MAF: variants seen among roughly 807,000 people sequenced by gnomAD.
MAF encodes MAF bZIP transcription factor, also known as transcription factor Maf.
MAF carries 10 observed loss-of-function variants against 22.0 expected under a neutral mutation model. That is an observed-to-expected ratio of 0.45 (90% CI 0.28 to 0.77). The LOEUF (loss-of-function observed/expected upper bound fraction) is 0.77, where lower values mean the gene tolerates loss of function less well. MAF is among the 30% of genes least tolerant of loss of function. The pLI, the probability that MAF is intolerant of heterozygous loss-of-function variation, is 0.12. For synonymous variants in MAF, 337 were observed against 255.8 expected (o/e 1.32, Z -3.03); for missense variants, 544 against 548.4 (o/e 0.99, Z 0.08).
chr16:79,411,498 G>C, the MAF span, among the ~76,000 whole-genome samples: 20 of 152,212 alleles, frequency 1.3e-4, no homozygotes, highest in Non-Finnish European at 2.8e-4. Context: ...CCCTGGAAAT[G>C]TTTGCAGGGC....
the MAF span, among the ~76,000 whole-genome samples, chr16:79,372,798 T>C: frequency 4.1e-4 from 63 of 152,288 alleles, 1 homozygote; most frequent in South Asian, 0.013. Context: ...CACTGGCTTC[T>C]CCCACCTGGC....
the MAF span, among the ~76,000 whole-genome samples, chr16:79,469,287 AT>A: frequency 6.6e-6 from 1 of 152,216 alleles, no homozygotes; most frequent in Non-Finnish European, 1.5e-5. Context: ...AGCCAAAAAT[AT>A]TTAATATCTG....
the MAF span, among the ~76,000 whole-genome samples, chr16:79,399,141 C>A: frequency 6.6e-6 from 1 of 152,142 alleles, no homozygotes; most frequent in Non-Finnish European, 1.5e-5. Context: ...ACAGACCTGC[C>A]ATTGAATTCC....
the MAF span, among the ~76,000 whole-genome samples, chr16:79,575,792 A>G: frequency 1.3e-5 from 2 of 152,212 alleles, no homozygotes; most frequent in African/African-American, 4.8e-5. Context: ...AAAGGAACAG[A>G]AACCTGAAAG....
the MAF span, among the ~76,000 whole-genome samples, chr16:79,318,551 G>A: frequency 6.6e-6 from 1 of 152,154 alleles, no homozygotes; most frequent in Non-Finnish European, 1.5e-5. Flanking sequence ...AAACTACATT[G>A]CTGGGTGTCA....
chr16:79,283,592 A>C, the MAF span, among the ~76,000 whole-genome samples: 3 of 152,218 alleles, frequency 2.0e-5, no homozygotes, highest in Non-Finnish European at 2.9e-5. Flanking sequence ...CTCTTAAAAA[A>C]CATTTTGCAA....
chr16:79,342,156 A>T, the MAF span, among the ~76,000 whole-genome samples: 1 of 152,004 alleles, frequency 6.6e-6, no homozygotes, highest in South Asian at 2.1e-4. Flanking sequence ...ACTTGCCCAA[A>T]GTCACCCGGC....
At chr16:79,462,037 A>G in the MAF span, among the ~76,000 whole-genome samples, 2 of 152,162 alleles carry the variant, frequency 1.3e-5, no homozygotes, top group East Asian at 3.9e-4. Flanking sequence ...TACTTTCTCC[A>G]CAACCAAAGT....
the MAF span, among the ~76,000 whole-genome samples, chr16:79,249,498 T>C: frequency 3.3e-5 from 5 of 151,874 alleles, no homozygotes; most frequent in East Asian, 1.9e-4. Flanking sequence ...AGATCCATCT[T>C]TGGGGAACAG....
the MAF span, among the ~76,000 whole-genome samples, chr16:79,388,087 C>T: frequency 3.3e-5 from 5 of 152,194 alleles, no homozygotes; most frequent in Non-Finnish European, 7.4e-5. Flanking sequence ...TAGTTCACAG[C>T]GTCCACTCTC....
the MAF span, chr16:79,212,071 G>C: frequency 1.3e-6 from 2 of 1,536,394 alleles, no homozygotes; most frequent in Non-Finnish European, 1.7e-6. Flanking sequence ...TGGTGTGTAG[G>C]TTCCGTATCT....
At chr16:79,542,671 C>G in the MAF span, among the ~76,000 whole-genome samples, 3 of 152,200 alleles carry the variant, frequency 2.0e-5, no homozygotes, top group Admixed American at 6.5e-5. Flanking sequence ...CAAGCTTGGA[C>G]TTTCTGGGGC....
At chr16:79,486,950 A>C in the MAF span, among the ~76,000 whole-genome samples, 1 of 152,108 alleles carries the variant, frequency 6.6e-6, no homozygotes, top group Non-Finnish European at 1.5e-5. Context: ...ACAAATTCTA[A>C]GCAGTCCATC....
chr16:79,482,167 A>G, the MAF span, among the ~76,000 whole-genome samples: 5 of 152,202 alleles, frequency 3.3e-5, no homozygotes, highest in Non-Finnish European at 5.9e-5. Flanking sequence ...TTTGAGCAGA[A>G]CCTATCCTGG....
At chr16:79,541,731 A>G in the MAF span, among the ~76,000 whole-genome samples, 1 of 140,562 alleles carries the variant, frequency 7.1e-6, no homozygotes, top group Non-Finnish European at 1.5e-5. Flanking sequence ...ATCTTAGCTC[A>G]CTGCAACCTC....
chr16:79,554,356 T>A, the MAF span, among the ~76,000 whole-genome samples: 1 of 152,192 alleles, frequency 6.6e-6, no homozygotes, highest in African/African-American at 2.4e-5. Context: ...GAGTCTTTCT[T>A]CCTAATCTCC....
chr16:79,367,406 G>A, the MAF span, among the ~76,000 whole-genome samples: 2 of 152,166 alleles, frequency 1.3e-5, no homozygotes, highest in Non-Finnish European at 2.9e-5. Context: ...AAGCAAGAAA[G>A]CAGAAAGACA....
the MAF span, among the ~76,000 whole-genome samples, chr16:79,566,793 G>A: frequency 1.3e-5 from 2 of 152,154 alleles, no homozygotes; most frequent in Admixed American, 6.5e-5. Flanking sequence ...ATGGAAATGG[G>A]ACTCTCACCC....
At chr16:79,423,900 G>A in the MAF span, among the ~76,000 whole-genome samples, 1 of 152,130 alleles carries the variant, frequency 6.6e-6, no homozygotes, top group Non-Finnish European at 1.5e-5. Context: ...CATGTCTTCA[G>A]GTTCTCGAGT....
Sources: allele counts gnomAD v4.1 joint callset (sites outside exome capture counted in the v4.1 genomes callset), GRCh38; gene constraint gnomAD v4.1.1; transcripts MANE v1.5; gene names NCBI Gene and HGNC (gene_info 2026-07-23, HGNC 2026-07-21).